PLSCR2: variants seen among roughly 807,000 people sequenced by gnomAD.
The protein encoded by PLSCR2 is PL scramblase 2.
PLSCR2 carries 18 observed loss-of-function variants against 25.3 expected under a neutral mutation model. That is an observed-to-expected ratio of 0.71 (90% CI 0.49 to 1.06). The LOEUF (loss-of-function observed/expected upper bound fraction) is 1.06, where lower values mean the gene tolerates loss of function less well. PLSCR2 is among the 50% of genes least tolerant of loss of function. The pLI is 0.00. For missense variants in PLSCR2, 243 were observed against 269.5 expected, an observed-to-expected ratio of 0.90 and a Z score of 0.69; for synonymous variants, 88 against 87.3, an observed-to-expected ratio of 1.01 and a Z score of -0.04.
chr3:146,481,259 A>G (rs944399297), intron 1 of PLSCR2, among the ~76,000 whole-genome samples: 9 of 152,326 alleles, frequency 5.9e-5, no homozygotes, highest in African/African-American at 2.2e-4. Context: ...AAAGAAATAA[A>G]GGGTATTCAA....
At position 146,455,333 on chromosome 3, in the gene PLSCR2, G is replaced by A. The variant is rs1248952841; in HGVS notation, c.227C>T (p.Thr76Ile). The change falls in exon 4 of 7, where the codon ACC becomes ATC. Residue 76 changes from threonine (T) to isoleucine (I), a missense_variant. Transcript: ENST00000610787. Reference sequence around the variant, plus strand: ...ACCCACATTATCAGTAATCCTCAAGGTAAAAGGTCTAGACCGCCCACAGCA... The same window carrying A: ...ACCCACATTATCAGTAATCCTCAAGATAAAAGGTCTAGACCGCCCACAGCA... The A allele has an allele frequency of 4.3e-6, 7 of 1,613,636 alleles. No individual in the cohort carries two copies. The East Asian group carries it at 6.7e-5, about 15-fold the overall frequency.
At chr3:146,392,422 CTT>C (rs975075752) in intron 3 of PLSCR2, among the ~76,000 whole-genome samples, 3 of 151,868 alleles carry the variant, frequency 2.0e-5, no homozygotes, top group Non-Finnish European at 2.9e-5. Flanking sequence ...TTTTGCTTCT[CTT>C]GTGTGTTTTT....
At chr3:146,414,098 G>T (rs2038935847) in intron 2 of PLSCR2, among the ~76,000 whole-genome samples, 1 of 152,158 alleles carries the variant, frequency 6.6e-6, no homozygotes, top group Non-Finnish European at 1.5e-5. Context: ...AAGAGAGAGG[G>T]GGAGGAAGGA....
downstream of PLSCR2, among the ~76,000 whole-genome samples, chr3:146,432,100 G>T (rs1353402512): frequency 1.3e-5 from 2 of 152,080 alleles, no homozygotes; most frequent in Non-Finnish European, 2.9e-5. Context: ...AAAATAAATT[G>T]AAACTGTGTA....
chr3:146,490,726 G>C (rs1032950831), intron 1 of PLSCR2, among the ~76,000 whole-genome samples: 3 of 151,922 alleles, frequency 2.0e-5, no homozygotes, highest in African/African-American at 7.3e-5. Flanking sequence ...CCTCTACCTT[G>C]CGCTTGTGGG....
chr3:146,421,375 G>A (rs946960596), intron 2 of PLSCR2, among the ~76,000 whole-genome samples: 1 of 151,940 alleles, frequency 6.6e-6, no homozygotes, highest in African/African-American at 2.4e-5. Context: ...CAGCAATGAA[G>A]CATCAGAAAG....
At chr3:146,407,659 T>G (rs1404244977) in intron 2 of PLSCR2, among the ~76,000 whole-genome samples, 2 of 152,204 alleles carry the variant, frequency 1.3e-5, no homozygotes, top group Non-Finnish European at 1.5e-5. Flanking sequence ...GTCATGTACA[T>G]GCACAGTAGC....
chr3:146,440,685 C>T (rs994796643), downstream of PLSCR2, among the ~76,000 whole-genome samples: 8 of 152,148 alleles, frequency 5.3e-5, no homozygotes, highest in Non-Finnish European at 7.3e-5. Context: ...TGTTCCTATT[C>T]GGCCATCTTG....
intron 1 of PLSCR2, among the ~76,000 whole-genome samples, chr3:146,486,290 T>C (rs1560058210): frequency 6.6e-6 from 1 of 150,560 alleles, no homozygotes; most frequent in Non-Finnish European, 1.5e-5. Flanking sequence ...ATCTAAAAGC[T>C]AGTGGAAAAC....
chr3:146,452,500 CAT>C (rs1452979470), intron 5 of PLSCR2, among the ~76,000 whole-genome samples: 1 of 152,008 alleles, frequency 6.6e-6, no homozygotes, highest in African/African-American at 2.4e-5. Flanking sequence ...TAATTCAAAA[CAT>C]ATAATTTATG....
In PLSCR2 at chr3:146,398,495, C is replaced by T. The variant is rs540407747; in HGVS notation, c.101-2574G>A. Reference sequence around the variant, plus strand: ...AACTTATAGAGCTTTTAAATAAGGACGCTGTGAATTAGTAATCCAATTTTT... The same window carrying T: ...AACTTATAGAGCTTTTAAATAAGGATGCTGTGAATTAGTAATCCAATTTTT... On this transcript the variant is annotated intron_variant and NMD_transcript_variant, in intron 2 of 3. Coordinates refer to the PLSCR2 transcript ENST00000463633. Among the ~76,000 whole-genome samples, 22 of 149,758 alleles carry T rather than the reference C, an allele frequency of 1.5e-4. No individual in the cohort carries two copies. In the South Asian group the frequency reaches 2.8e-3, roughly 19 times the overall value.
intron 1 of PLSCR2, among the ~76,000 whole-genome samples, chr3:146,465,687 A>C (rs1264713106): frequency 6.6e-6 from 1 of 152,178 alleles, no homozygotes; most frequent in African/African-American, 2.4e-5. Context: ...AACAATCACA[A>C]GAATTCTAGG....
chr3:146,480,289 A>G (rs1167837510), intron 1 of PLSCR2, among the ~76,000 whole-genome samples: 2 of 152,206 alleles, frequency 1.3e-5, no homozygotes, highest in African/African-American at 4.8e-5. Flanking sequence ...AAAATCAATG[A>G]ATCCAGGATC....
chr3:146,481,648 T>C (rs537335601), intron 1 of PLSCR2, among the ~76,000 whole-genome samples: 2 of 152,328 alleles, frequency 1.3e-5, no homozygotes, highest in Admixed American at 6.5e-5. Context: ...AAAATGGCCA[T>C]ACTGCCCAAG....
At chr3:146,432,930 AT>A (rs908966852), downstream of PLSCR2, among the ~76,000 whole-genome samples, 40 of 152,090 alleles carry the variant, frequency 2.6e-4, no homozygotes, top group African/African-American at 8.4e-4. Flanking sequence ...TTGCAAATAA[AT>A]TTTTTTTACA....
downstream of PLSCR2, among the ~76,000 whole-genome samples, chr3:146,440,327 C>G (rs946521721): frequency 1.3e-5 from 2 of 152,298 alleles, no homozygotes; most frequent in East Asian, 3.9e-4. Flanking sequence ...TTTAAGTCCA[C>G]AAAAGTTTCT....
chr3:146,469,504 C>T (rs2042022718), intron 1 of PLSCR2: 1 of 984,964 alleles, frequency 1.0e-6, no homozygotes. Context: ...CCCGTGGCTG[C>T]AGCTGCTCCC....
intron 2 of PLSCR2, among the ~76,000 whole-genome samples, chr3:146,403,998 A>G (rs1414045291): frequency 2.0e-5 from 3 of 152,098 alleles, no homozygotes; most frequent in African/African-American, 7.2e-5. Flanking sequence ...GACTCATTTC[A>G]TAACCATTTT....
intron 6 of PLSCR2, among the ~76,000 whole-genome samples, chr3:146,448,529 C>T (rs1378309951): frequency 6.6e-6 from 1 of 152,072 alleles, no homozygotes; most frequent in Non-Finnish European, 1.5e-5. Flanking sequence ...TGAAAGTTAC[C>T]CAGGTGTTTC....
Sources: gnomAD v4.1 joint callset for allele counts (sites outside exome capture counted in the v4.1 genomes callset) on GRCh38, gnomAD v4.1.1 for gene constraint, MANE v1.5 for transcripts, NCBI Gene and HGNC (gene_info 2026-07-23, HGNC 2026-07-21) for gene names.